Variants in MSC observed in about 807,000 individuals in gnomAD.
MSC encodes the protein musculin.
MSC carries 16 observed loss-of-function variants against 14.4 expected under a neutral mutation model. The ratio of observed to expected loss-of-function variants is 1.11; its 90% CI spans 0.75 to 1.69. The LOEUF is 1.69. MSC is among the 40% of genes most tolerant of loss of function. The probability of loss-of-function intolerance (pLI) is 0.00; values close to 1 mark genes in which losing one functional copy is unlikely to be tolerated. For synonymous variants in MSC, 165 were observed against 128.5 expected, an observed-to-expected ratio of 1.28 and a Z score of -1.92; for missense variants, 320 against 288.1, an observed-to-expected ratio of 1.11 and a Z score of -0.80.
In MSC at chr8:71,844,055, TGGGCGAG is replaced by T; in HGVS notation, c.117_123del (p.Ser40ValfsTer82). The stretch of plus-strand genomic sequence containing the variant: ...TCCTCCTCTGCCGACGAGTTGTCAC[TGGGCGAG>T]GCGTAGCTGCGCTCTACGCCGCGGA... On this transcript the variant is annotated frameshift_variant, in exon 1 of 2. Coordinates refer to ENST00000325509, the MANE Select transcript of MSC (RefSeq NM_005098.4). LOFTEE classifies it high-confidence loss of function. The T allele has an allele frequency of 6.5e-7, 1 of 1,540,020 alleles. No homozygotes were observed. Among genetic ancestry groups the T allele is most frequent in the South Asian group, 1.3e-5 (1 of 78,840 alleles).
At position 71,843,688 on chromosome 8, in the gene MSC, TGCA is replaced by T; in HGVS notation, c.488_490del (p.Leu163_Gln164delinsTer). 2.5e-6 allele frequency: 4 copies of T among 1,614,228 alleles called. No individual in the cohort carries two copies. Among genetic ancestry groups the T allele is most frequent in the Non-Finnish European group, 3.4e-6 (4 of 1,180,034 alleles). On this transcript the variant is annotated stop_gained and inframe_deletion, in exon 1 of 2. Coordinates refer to ENST00000325509, the MANE Select transcript of MSC (RefSeq NM_005098.4). LOFTEE classifies it high-confidence loss of function. ...GTAGCCGTTCTCATAGCGGTCCTCC[TGCA>T]ACAGCTGCCGCAGGTGAGCGATGTA...
chr8:71,843,561 A>G, intron 1 of MSC, 84 bp downstream of exon 1: 1 of 1,588,356 alleles, frequency 6.3e-7, no homozygotes, highest in Non-Finnish European at 8.6e-7. Context: ...AATTCTTCCC[A>G]ACGGGCTGAC....
intron 1 of MSC, 174 bp downstream of exon 1, chr8:71,843,470 GA>G: frequency 1.3e-6 from 1 of 797,800 alleles, no homozygotes; most frequent in Non-Finnish European, 2.1e-6. Context: ...CTTCTTCAGG[GA>G]AATGGCTGGC....
rs768014505 is a variant in MSC at position 71,843,624 on chromosome 8, C to G, written c.534+21G>C. On this transcript the variant is annotated intron_variant, in intron 1 of 1. Coordinates refer to ENST00000325509, the MANE Select transcript of MSC (RefSeq NM_005098.4). ...GTATCTCCTGGCTGCTCTCCCGAAT[C>G]CTTGCGCGCCGCGCCCCTACCAGGT... 43 of 1,614,102 alleles carry G rather than the reference C, an allele frequency of 2.7e-5. No individual in the cohort carries two copies. In the South Asian group the frequency reaches 4.6e-4, roughly 17 times the overall value.
In MSC at chr8:71,843,876, G is replaced by C. The variant is rs1007829522; in HGVS notation, c.303C>G (p.Ala101=). 1 of 1,609,736 alleles carries C rather than the reference G, an allele frequency of 6.2e-7. No homozygotes were observed. Among genetic ancestry groups the C allele is most frequent in the South Asian group, 1.1e-5 (1 of 90,654 alleles). The change falls in exon 1 of 2, where the codon GCC becomes GCG. Residue 101 remains alanine (A), a synonymous_variant. Transcript: ENST00000325509. ...GKKPLPAKGS[A]AECKQSQRNA... ...TCCGCTGCGACTGCTTGCACTCTGC[G>C]GCTGAGCCCTTGGCCGGGAGGGGCT... is the stretch of plus-strand genomic sequence containing the variant.
In MSC at chr8:71,842,427, C is replaced by T. The variant is rs566902481; in HGVS notation, c.*234G>A. 5 of 536,656 alleles carry T rather than the reference C, an allele frequency of 9.3e-6. No homozygotes were observed. The highest frequency in any genetic ancestry group is 6.7e-5 in the East Asian group (2 of 29,936). 33.2% of individuals were successfully genotyped at this position (536,656 alleles called of 1,614,324 possible). A position where few individuals can be genotyped will look rare whatever the true frequency, so the allele number is the denominator to read the frequency against. ...GTCCGCGTCTCGTCACGAAAGGAAG[C>T]TCTTTTTGGAGAGGCAAAACGTGGT... On this transcript the variant is annotated 3_prime_UTR_variant, in exon 2 of 2. Coordinates refer to ENST00000325509, the MANE Select transcript of MSC (RefSeq NM_005098.4).
chr8:71,843,262 C>T, intron 1 of MSC: 1 of 380,296 alleles, frequency 2.6e-6, no homozygotes. Context: ...GGCCTTCCCT[C>T]CTTTAAGAAA....
In MSC at chr8:71,842,628, CGA is replaced by C. The variant is rs1807407402; in HGVS notation, c.*31_*32del. On this transcript the variant is annotated 3_prime_UTR_variant, in exon 2 of 2. Coordinates refer to ENST00000325509, the MANE Select transcript of MSC (RefSeq NM_005098.4). ...GTGGCCCCCAAACACTCGCATTTAA[CGA>C]ATAATCCCATCAAGTGAGTTCCAGT... The C allele has an allele frequency of 6.2e-6, 10 of 1,604,420 alleles. No individual in the cohort carries two copies. Among genetic ancestry groups the C allele is most frequent in the Non-Finnish European group, 8.5e-6 (10 of 1,171,354 alleles).
Position 71,843,700 on chromosome 8 carries a change from C to A in MSC, c.479G>T (p.Arg160Leu), listed in dbSNP as rs1052862491. 2.5e-6 allele frequency: 4 copies of A among 1,614,230 alleles called. No homozygotes were observed. The highest frequency in any genetic ancestry group is 1.3e-5 in the African/African-American group (1 of 75,082). ...RLASSYIAHL[R>L]QLLQEDRYEN... ...ATAGCGGTCCTCCTGCAACAGCTGC[C>A]GCAGGTGAGCGATGTAACTGGAAGC... is the stretch of plus-strand genomic sequence containing the variant. Residue 160 changes from arginine to leucine, a missense_variant, in exon 1 of 2, where the codon CGG (arginine) becomes CTG (leucine). By Grantham distance (102) the Arg-to-Leu change is moderately radical. Coordinates refer to ENST00000325509, the MANE Select transcript of MSC (RefSeq NM_005098.4).
chr8:71,843,564 G>T, intron 1 of MSC, 81 bp downstream of exon 1: 1 of 1,590,392 alleles, frequency 6.3e-7, no homozygotes, highest in Non-Finnish European at 8.6e-7. Context: ...TCTTCCCAAC[G>T]GGCTGACCCT....
chr8:71,844,135 C>T lies in MSC; in HGVS notation c.44G>A (p.Arg15Gln). Residue 15 changes from arginine (R) to glutamine (Q), a missense_variant, in exon 1 of 2, where the codon CGG (arginine) becomes CAG (glutamine). Physicochemically the swap from Arg to Gln is conservative, Grantham distance 43. Coordinates refer to ENST00000325509, the MANE Select transcript of MSC (RefSeq NM_005098.4). ...SVSDPEEMELRGLQREYPVPA... is the reference protein window; with the variant it reads ...SVSDPEEMELQGLQREYPVPA... ...GACCGGGTACTCCCGCTGCAGCCCC[C>T]GAAGCTCCATCTCCTCCGGATCACT... The T allele has an allele frequency of 6.5e-7, 1 of 1,529,904 alleles. No individual in the cohort carries two copies. Among genetic ancestry groups the T allele is most frequent in the Non-Finnish European group, 8.8e-7 (1 of 1,139,550 alleles). The allele number at this position is 1,529,904 out of a possible 1,614,324, so 94.8% of individuals were successfully genotyped here. A position where few individuals can be genotyped will look rare whatever the true frequency, so the allele number is the denominator to read the frequency against.
intron 1 of MSC, 113 bp downstream of exon 1, chr8:71,843,532 A>T: frequency 7.2e-7 from 1 of 1,393,738 alleles, no homozygotes; most frequent in Admixed American, 1.8e-5. Context: ...TCCCAGTCCC[A>T]GAACCTCCAC....
chr8:71,844,217 C>T lies in MSC; in HGVS notation c.-39G>A. ...TTGCCCACACGCGTCCTCTTTCCTC[C>T]CCCCTGGCCAGTCTCGCTGTCTCCG... is the stretch of plus-strand genomic sequence containing the variant. On this transcript the variant is annotated 5_prime_UTR_variant, in exon 1 of 2. Coordinates refer to ENST00000325509, the MANE Select transcript of MSC (RefSeq NM_005098.4). 1 of 1,600,694 alleles carries T rather than the reference C, an allele frequency of 6.2e-7. No individual in the cohort carries two copies. Among genetic ancestry groups the T allele is most frequent in the Non-Finnish European group, 8.5e-7 (1 of 1,173,556 alleles).
rs1167835006 is a variant in MSC at position 71,842,753 on chromosome 8, A to C, written c.535-6T>G. 4 of 1,613,390 alleles carry C rather than the reference A, an allele frequency of 2.5e-6. No homozygotes were observed. The African/African-American group carries it at 4.0e-5, about 16-fold the overall frequency. On this transcript the variant is annotated splice_polypyrimidine_tract_variant and splice_region_variant and intron_variant, in intron 1 of 1. Transcript: ENST00000325509. ...GAGACCACGAATGGCCATGTCTGTA[A>C]ATCAAAAAGAACGTGAGATATTAGA...
In MSC at chr8:71,844,298, A is replaced by T. The variant is rs757744993; in HGVS notation, c.-120T>A. 4.6e-5 allele frequency: 66 copies of T among 1,430,292 alleles called. No homozygotes were observed. The highest frequency in any genetic ancestry group is 5.8e-5 in the Non-Finnish European group (61 of 1,044,354). The allele number at this position is 1,430,292 out of a possible 1,614,324, so 88.6% of individuals were successfully genotyped here. A position where few individuals can be genotyped will look rare whatever the true frequency, so the allele number is the denominator to read the frequency against. On this transcript the variant is annotated 5_prime_UTR_variant, in exon 1 of 2. Transcript: ENST00000325509. ...GAGAGCGCTCCAAGGAAGACTAAAA[A>T]CCCAGGCCGGGAAGCGCGGGGTGAG... is the stretch of plus-strand genomic sequence containing the variant.
In MSC at chr8:71,844,059, C is replaced by A. The variant is rs563563444; in HGVS notation, c.120G>T (p.Ser40=). The A allele has an allele frequency of 2.0e-6, 3 of 1,534,906 alleles. No individual in the cohort carries two copies. The highest frequency in any genetic ancestry group is 1.3e-5 in the South Asian group (1 of 77,622). The change falls in exon 1 of 2, where the codon TCG becomes TCT. Residue 40 remains serine, a synonymous_variant. Coordinates refer to ENST00000325509, the MANE Select transcript of MSC (RefSeq NM_005098.4). ...PLRGVERSYA[S]PSDNSSAEEE... ...CCTCTGCCGACGAGTTGTCACTGGG[C>A]GAGGCGTAGCTGCGCTCTACGCCGC...
chr8:71,843,050 G>GCACACACACACA, intron 1 of MSC: 6 of 168,682 alleles, frequency 3.6e-5, no homozygotes, highest in East Asian at 1.4e-4. Flanking sequence ...ACACACACAC[G>GCACACACACACA]CACACACACA....
chr8:71,844,378 T>A lies in MSC; in HGVS notation c.-200A>T. Reference sequence around the variant, plus strand: ...GCCCCTCTGCTGACCCCGGGGAGCGTGGACTACGAGTTGGCGCCCAAGTCC... The same window carrying A: ...GCCCCTCTGCTGACCCCGGGGAGCGAGGACTACGAGTTGGCGCCCAAGTCC... On this transcript the variant is annotated 5_prime_UTR_variant, in exon 1 of 2. Coordinates refer to ENST00000325509, the MANE Select transcript of MSC (RefSeq NM_005098.4). The A allele has an allele frequency of 2.5e-6, 2 of 785,510 alleles. No homozygotes were observed. The highest frequency in any genetic ancestry group is 4.3e-6 in the Non-Finnish European group (2 of 462,738). 48.7% of individuals were successfully genotyped at this position (785,510 alleles called of 1,614,324 possible). A position where few individuals can be genotyped will look rare whatever the true frequency, so the allele number is the denominator to read the frequency against.
chr8:71,842,313 G>T lies in MSC; in HGVS notation c.*348C>A. 9.0e-6 allele frequency: 3 copies of T among 333,028 alleles called. No individual in the cohort carries two copies. The highest frequency in any genetic ancestry group is 1.8e-5 in the Non-Finnish European group (3 of 170,204). The allele number at this position is 333,028 out of a possible 1,614,324, so 20.6% of individuals were successfully genotyped here. On this transcript the variant is annotated 3_prime_UTR_variant, in exon 2 of 2. Coordinates refer to ENST00000325509, the MANE Select transcript of MSC (RefSeq NM_005098.4). ...GCACGTGTGCGATGAATCTGGCTCC[G>T]CTGAGAACGGATCCGTGGGCTGTCT... is the stretch of plus-strand genomic sequence containing the variant.
Sources: gnomAD v4.1 joint callset for allele counts on GRCh38, gnomAD v4.1.1 for gene constraint, MANE v1.5 for transcripts, NCBI Gene and HGNC (gene_info 2026-07-23, HGNC 2026-07-21) for gene names.